The following PTPRN2 variants were observed in gnomAD, a reference collection of about 807,000 sequenced individuals.
The protein encoded by PTPRN2 is receptor-type tyrosine-protein phosphatase N2.
PTPRN2 carries 74 observed loss-of-function variants against 118.8 expected under a neutral mutation model. The ratio of observed to expected loss-of-function variants is 0.62; its 90% CI spans 0.52 to 0.76. The LOEUF (loss-of-function observed/expected upper bound fraction) is 0.76, where lower values mean the gene tolerates loss of function less well. PTPRN2 is among the 30% of genes least tolerant of loss of function. PTPRN2 has a pLI of 0.00. For missense variants in PTPRN2, 1,481 were observed against 1,394.4 expected, an observed-to-expected ratio of 1.06 and a Z score of -0.99; for synonymous variants, 641 against 608.0, an observed-to-expected ratio of 1.05 and a Z score of -0.80.
intron 14 of PTPRN2, among the ~76,000 whole-genome samples, chr7:157,635,147 T>C (rs1026668755): frequency 3.9e-5 from 6 of 152,248 alleles, no homozygotes; most frequent in African/African-American, 9.6e-5. Flanking sequence ...AGGACAAAGA[T>C]GTAAATGGCA....
At chr7:158,001,196 C>T (rs1226752710) in intron 11 of PTPRN2, among the ~76,000 whole-genome samples, 2 of 57,498 alleles carry the variant, frequency 3.5e-5, no homozygotes, top group South Asian at 6.3e-4. Flanking sequence ...GGGCTGGGGT[C>T]GGGCCGCAGG....
intron 12 of PTPRN2, among the ~76,000 whole-genome samples, chr7:157,838,405 A>C (rs554428884): frequency 1.8e-5 from 2 of 109,374 alleles, no homozygotes; most frequent in South Asian, 3.4e-4. Flanking sequence ...AGTTCCTCTC[A>C]TAGTGGATGG....
chr7:158,441,048 GT>G (rs1817041495), intron 2 of PTPRN2, among the ~76,000 whole-genome samples: 2 of 49,720 alleles, frequency 4.0e-5, no homozygotes, highest in East Asian at 1.4e-3. Context: ...AGTAGTGATG[GT>G]GGTAGTGATG....
At chr7:157,981,979 C>T (rs143685802) in intron 11 of PTPRN2, among the ~76,000 whole-genome samples, 5 of 151,160 alleles carry the variant, frequency 3.3e-5, no homozygotes, top group African/African-American at 4.8e-5. Context: ...TGCAGGGTAC[C>T]GCCCAGAACC....
chr7:157,745,629 G>A (rs1387346939), intron 12 of PTPRN2, among the ~76,000 whole-genome samples: 6 of 152,154 alleles, frequency 3.9e-5, no homozygotes, highest in Non-Finnish European at 7.4e-5. Context: ...CTGAGTGAGG[G>A]TGCCAGCATC....
chr7:158,319,207 T>C (rs1370302630), intron 2 of PTPRN2, among the ~76,000 whole-genome samples: 2 of 152,210 alleles, frequency 1.3e-5, no homozygotes, highest in South Asian at 2.1e-4. Flanking sequence ...TACTTGACAG[T>C]TGAAATAAAC....
chr7:158,551,616 C>A lies in PTPRN2; in HGVS notation c.112+35942G>T, dbSNP rs531214170. On this transcript the variant is annotated intron_variant, in intron 1 of 22. Transcript: ENST00000389418. Reference sequence around the variant, plus strand: ...TAATGCATGCATTTGGGGGGCCCTGCCTCCTAATCCATTACATTGGGGGTA... The same window carrying A: ...TAATGCATGCATTTGGGGGGCCCTGACTCCTAATCCATTACATTGGGGGTA... Among the ~76,000 whole-genome samples, 525 of 119,888 alleles carry A rather than the reference C, an allele frequency of 4.4e-3. 50 individuals are homozygous for A. Among genetic ancestry groups the A allele is most frequent in the South Asian group, 0.014 (44 of 3,078 alleles). The allele number at this position is 119,888 out of a possible 152,430, so 78.7% of individuals were successfully genotyped here.
chr7:158,145,018 CGCGAGAAG>C (rs1819776013), intron 6 of PTPRN2, among the ~76,000 whole-genome samples: 1 of 147,626 alleles, frequency 6.8e-6, no homozygotes, highest in Non-Finnish European at 1.5e-5. Context: ...CTCACATCAT[CGCGAGAAG>C]GTTCCAGAAT....
intron 2 of PTPRN2, among the ~76,000 whole-genome samples, chr7:158,407,198 T>A (rs576100237): frequency 3.3e-5 from 1 of 30,258 alleles, no homozygotes. Context: ...TCCTGGGTCC[T>A]GGGTCCTGGG....
chr7:157,667,039 C>T (rs1391207270), intron 13 of PTPRN2, among the ~76,000 whole-genome samples: 1 of 95,438 alleles, frequency 1.0e-5, no homozygotes, highest in Non-Finnish European at 2.5e-5. Context: ...ACACTCGGCC[C>T]GTGGGACACT....
chr7:158,230,792 A>T (rs1829116590), intron 3 of PTPRN2, among the ~76,000 whole-genome samples: 2 of 152,234 alleles, frequency 1.3e-5, no homozygotes, highest in Admixed American at 1.3e-4. Flanking sequence ...ATGAAAAAAC[A>T]AACAAAATAG....
chr7:157,844,032 C>T (rs1443318813), intron 12 of PTPRN2, among the ~76,000 whole-genome samples: 1 of 151,996 alleles, frequency 6.6e-6, no homozygotes, highest in Non-Finnish European at 1.5e-5. Context: ...GAGGGGGCGG[C>T]GCAGGCCCCT....
intron 2 of PTPRN2, among the ~76,000 whole-genome samples, chr7:158,371,922 C>T (rs544191078): frequency 6.6e-6 from 1 of 152,306 alleles, no homozygotes; most frequent in East Asian, 1.9e-4. Context: ...AGAGATGAAC[C>T]TCACACAGCT....
intron 11 of PTPRN2, among the ~76,000 whole-genome samples, chr7:158,033,493 A>G (rs1249015242): frequency 6.6e-6 from 1 of 152,184 alleles, no homozygotes; most frequent in Non-Finnish European, 1.5e-5. Flanking sequence ...ATGAGGTGAC[A>G]GGACGGGGGC....
At chr7:157,992,170 G>C (rs201867274) in intron 11 of PTPRN2, among the ~76,000 whole-genome samples, 4 of 152,238 alleles carry the variant, frequency 2.6e-5, no homozygotes, top group Non-Finnish European at 5.9e-5. Context: ...GGAAAATTGT[G>C]TATCACTACT....
chr7:158,071,548 TCC>T (rs879601894), intron 11 of PTPRN2, among the ~76,000 whole-genome samples: 12,056 of 121,898 alleles, frequency 0.099, 527 homozygotes, highest in Non-Finnish European at 0.12. Flanking sequence ...ATGGAGGTGC[TCC>T]TGGTGGTGGA....
At chr7:158,512,811 G>A (rs1253906869) in intron 1 of PTPRN2, among the ~76,000 whole-genome samples, 1 of 152,196 alleles carries the variant, frequency 6.6e-6, no homozygotes, top group Non-Finnish European at 1.5e-5. Flanking sequence ...AAAGATGGAC[G>A]TATTCAAAGG....
intron 12 of PTPRN2, among the ~76,000 whole-genome samples, chr7:157,699,862 T>C (rs934274609): frequency 2.6e-5 from 4 of 152,258 alleles, no homozygotes; most frequent in Admixed American, 2.6e-4. Context: ...AGCCGCCGCA[T>C]GTCCTCGGTC....
chr7:158,581,531 T>C (rs532064004), intron 1 of PTPRN2, among the ~76,000 whole-genome samples: 90 of 152,368 alleles, frequency 5.9e-4, no homozygotes, highest in African/African-American at 2.0e-3. Flanking sequence ...TACTTTATGA[T>C]AATTTAAAAT....
Sources: gnomAD v4.1 joint callset for allele counts (sites outside exome capture counted in the v4.1 genomes callset) on GRCh38, gnomAD v4.1.1 for gene constraint, MANE v1.5 for transcripts, NCBI Gene and HGNC (gene_info 2026-07-23, HGNC 2026-07-21) for gene names.